The following SPECC1 variants were observed in gnomAD, a reference collection of about 807,000 sequenced individuals.
The protein encoded by SPECC1 is cytospin-B.
In SPECC1, 62 loss-of-function variants were observed where a neutral mutation model predicts 104.1. The observed-to-expected ratio is 0.60, with a 90% CI of 0.49 to 0.74. The LOEUF (loss-of-function observed/expected upper bound fraction) is 0.74, where lower values mean the gene tolerates loss of function less well. SPECC1 is among the 30% of genes least tolerant of loss of function. SPECC1 has a pLI of 0.00. For synonymous variants in SPECC1, 513 were observed against 501.6 expected, an observed-to-expected ratio of 1.02 and a Z score of -0.30; for missense variants, 1,306 against 1,310.5, an observed-to-expected ratio of 1.00 and a Z score of 0.05.
chr17:20,015,212 T>C (rs565122269), intron 1 of SPECC1, among the ~76,000 whole-genome samples: 1 of 152,364 alleles, frequency 6.6e-6, no homozygotes, highest in Non-Finnish European at 1.5e-5. Flanking sequence ...TTATTCTTAC[T>C]TGGGAATTAG....
intron 7 of SPECC1, among the ~76,000 whole-genome samples, chr17:20,240,381 G>A (rs922214785): frequency 5.3e-5 from 8 of 151,772 alleles, no homozygotes; most frequent in African/African-American, 1.9e-4. Flanking sequence ...CCTATATTAT[G>A]AGCCTTTATC....
At chr17:20,272,091 T>C (rs1195189817) in intron 12 of SPECC1, among the ~76,000 whole-genome samples, 2 of 152,188 alleles carry the variant, frequency 1.3e-5, no homozygotes, top group Admixed American at 1.3e-4. Flanking sequence ...GCTTAAGTTT[T>C]GTGTTTTCTA....
At chr17:20,156,045 G>A (rs2032458773) in intron 3 of SPECC1, 1 of 1,277,526 alleles carries the variant, frequency 7.8e-7, no homozygotes, top group Non-Finnish European at 9.9e-7. Flanking sequence ...TCCGCCGGCA[G>A]CTGCTGGGAA....
rs145970219 is a variant in SPECC1, at chr17:20,268,915, A to C, written c.2940+8621A>C. 1.8e-4 allele frequency among the ~76,000 whole-genome samples: 27 copies of C among 152,282 alleles called. No homozygotes were observed. The East Asian group carries it at 5.2e-3, about 29-fold the overall frequency. On this transcript the variant is annotated intron_variant, in intron 12 of 14. Transcript: ENST00000395527. ...GCATGCCCAGAGGTATGAAACTTCAAGGAATAAAAGTGGCTTTCTGAACAA... is the reference window on the plus strand; with the variant it reads ...GCATGCCCAGAGGTATGAAACTTCACGGAATAAAAGTGGCTTTCTGAACAA...
intron 4 of SPECC1, among the ~76,000 whole-genome samples, chr17:20,225,250 A>G (rs2038130782): frequency 6.6e-6 from 1 of 151,830 alleles, no homozygotes; most frequent in Non-Finnish European, 1.5e-5. Flanking sequence ...TGGTGCAAGC[A>G]CTCCCTTGGC....
rs550303116 is a variant in SPECC1, at chr17:20,035,392, A to G, written c.-22+25968A>G. ...TTTGGATAAAATTGGCATCTTTACTATATTAAGTTTTCCAACCTATAAGCA... is the reference window on the plus strand; with the variant it reads ...TTTGGATAAAATTGGCATCTTTACTGTATTAAGTTTTCCAACCTATAAGCA... On this transcript the variant is annotated intron_variant, in intron 1 of 14. Coordinates refer to ENST00000395527, the MANE Select transcript of SPECC1 (RefSeq NM_001243439.2). 3.3e-4 allele frequency among the ~76,000 whole-genome samples: 50 copies of G among 152,334 alleles called. 1 individual carries two copies. In the South Asian group the frequency reaches 8.7e-3, roughly 27 times the overall value.
chr17:20,247,166 T>C lies in SPECC1; in HGVS notation c.2498-53T>C, dbSNP rs1038488378. 17 of 1,387,748 alleles carry C rather than the reference T, an allele frequency of 1.2e-5. 1 individual carries two copies. Among genetic ancestry groups the C allele is most frequent in the Middle Eastern group, 1.8e-4 (1 of 5,582 alleles). 86.0% of individuals were successfully genotyped at this position (1,387,748 alleles called of 1,614,324 possible). ...TAACAAGAAATCAGGAACAAGTATA[T>C]GCTATTTTGAAGTGGAACAACATAT... On this transcript the variant is annotated intron_variant, in intron 8 of 14. Transcript: ENST00000395527.
chr17:20,022,468 G>A (rs189638786), intron 1 of SPECC1, among the ~76,000 whole-genome samples: 1 of 152,122 alleles, frequency 6.6e-6, no homozygotes, highest in African/African-American at 2.4e-5. Context: ...CAGCTTTTTG[G>A]TTGGTATCTG....
chr17:20,015,582 C>CTTTTT (rs1469162594), intron 1 of SPECC1, among the ~76,000 whole-genome samples: 8 of 81,048 alleles, frequency 9.9e-5, no homozygotes, highest in African/African-American at 1.7e-4. Context: ...TTCCGGGTCT[C>CTTTTT]TATTTTTTTT....
chr17:20,271,157 G>A (rs1016104617), intron 12 of SPECC1, among the ~76,000 whole-genome samples: 2 of 151,578 alleles, frequency 1.3e-5, no homozygotes, highest in Admixed American at 6.6e-5. Flanking sequence ...GCAGTCAGCC[G>A]GCCTGAGAGC....
intron 7 of SPECC1, chr17:20,237,093 A>G: frequency 7.1e-7 from 1 of 1,414,782 alleles, no homozygotes; most frequent in Non-Finnish European, 9.2e-7. Context: ...GCATGATCAA[A>G]GATGATGTTT....
chr17:20,066,964 G>A (rs537804378), intron 1 of SPECC1, among the ~76,000 whole-genome samples: 162 of 146,478 alleles, frequency 1.1e-3, no homozygotes, highest in Non-Finnish European at 1.7e-3. Flanking sequence ...TTGCCCAGGC[G>A]GGTCTTGAAC....
intron 3 of SPECC1, among the ~76,000 whole-genome samples, chr17:20,192,312 A>G (rs900796764): frequency 6.6e-5 from 10 of 151,904 alleles, no homozygotes; most frequent in Non-Finnish European, 1.3e-4. Flanking sequence ...CATTCTTTGT[A>G]TATTTTGGAT....
At chr17:20,023,798 G>A (rs1264978014) in intron 1 of SPECC1, among the ~76,000 whole-genome samples, 1 of 145,212 alleles carries the variant, frequency 6.9e-6, no homozygotes, top group Admixed American at 7.1e-5. Context: ...CTATTCAAAT[G>A]TGGCAGAAAA....
rs1029742797 is a variant in SPECC1 at position 20,194,556 on chromosome 17, G to T, written c.284-9777G>T. Among the ~76,000 whole-genome samples the T allele has an allele frequency of 3.3e-5, 4 of 122,536 alleles. No individual in the cohort carries two copies. In the East Asian group the frequency reaches 1.0e-3, roughly 32 times the overall value. The allele number at this position is 122,536 out of a possible 152,430, so 80.4% of individuals were successfully genotyped here. A position where few individuals can be genotyped will look rare whatever the true frequency, so the allele number is the denominator to read the frequency against. On this transcript the variant is annotated intron_variant, in intron 3 of 14. Coordinates refer to ENST00000395527, the MANE Select transcript of SPECC1 (RefSeq NM_001243439.2). The stretch of plus-strand genomic sequence containing the variant: ...AGAGTCTTGCTCTGTCACCAGGCTG[G>T]AGTGCAGTGACATGATCTTGGCTCA...
intron 3 of SPECC1, among the ~76,000 whole-genome samples, chr17:20,160,785 T>G (rs1169810530): frequency 1.3e-5 from 2 of 152,204 alleles, no homozygotes; most frequent in African/African-American, 4.8e-5. Flanking sequence ...TTTCTTGATT[T>G]GTTAGTTTTC....
chr17:20,082,120 G>A (rs892228991), intron 1 of SPECC1, among the ~76,000 whole-genome samples: 4 of 152,142 alleles, frequency 2.6e-5, no homozygotes, highest in Non-Finnish European at 2.9e-5. Flanking sequence ...CACCGTGCTC[G>A]CGCGCTGTGG....
chr17:20,085,442 TG>T, intron 1 of SPECC1, among the ~76,000 whole-genome samples: 1 of 152,360 alleles, frequency 6.6e-6, no homozygotes, highest in East Asian at 1.9e-4. Context: ...TGCTGTTCCT[TG>T]TAGACTTACT....
intron 1 of SPECC1, among the ~76,000 whole-genome samples, chr17:20,065,652 C>T (rs1303421546): frequency 6.6e-6 from 1 of 152,190 alleles, no homozygotes; most frequent in Non-Finnish European, 1.5e-5. Context: ...GCATAGGCAC[C>T]ACAACCATGT....
Sources: allele counts gnomAD v4.1 joint callset (sites outside exome capture counted in the v4.1 genomes callset), GRCh38; gene constraint gnomAD v4.1.1; transcripts MANE v1.5; gene names NCBI Gene and HGNC (gene_info 2026-07-23, HGNC 2026-07-21).